USP30: variants seen among roughly 807,000 people sequenced by gnomAD.
USP30 encodes ubiquitin carboxyl-terminal hydrolase 30.
In USP30, 41 loss-of-function variants were observed where a neutral mutation model predicts 68.2. The ratio of observed to expected loss-of-function variants is 0.60; its 90% CI spans 0.47 to 0.78. The LOEUF (loss-of-function observed/expected upper bound fraction) is 0.78, where lower values mean the gene tolerates loss of function less well. Ranked by LOEUF, USP30 falls within the 30% of genes least tolerant of loss-of-function variation. USP30 has a pLI of 0.00. For missense variants in USP30, 522 were observed against 649.4 expected, an observed-to-expected ratio of 0.80 and a Z score of 2.13; for synonymous variants, 229 against 253.7, an observed-to-expected ratio of 0.90 and a Z score of 0.93.
intron 3 of USP30, among the ~76,000 whole-genome samples, chr12:109,046,197 G>A (rs563598101): frequency 3.3e-4 from 49 of 147,282 alleles, no homozygotes; most frequent in African/African-American, 1.2e-3. Context: ...GCCCCCCCGG[G>A]TTTAAGTGAT....
chr12:109,058,883 T>C (rs1468078566), intron 3 of USP30, among the ~76,000 whole-genome samples: 2 of 152,228 alleles, frequency 1.3e-5, no homozygotes, highest in Non-Finnish European at 2.9e-5. Flanking sequence ...TTTGCAGCCC[T>C]GTCCAGCTGT....
chr12:109,041,612 G>A (rs539557299), intron 3 of USP30, among the ~76,000 whole-genome samples: 1 of 151,550 alleles, frequency 6.6e-6, no homozygotes, highest in East Asian at 1.9e-4. Context: ...TCCAGCCTGG[G>A]TGACAGAGCG....
intron 3 of USP30, among the ~76,000 whole-genome samples, chr12:109,038,403 C>T (rs980939241): frequency 4.6e-5 from 7 of 152,132 alleles, no homozygotes; most frequent in African/African-American, 1.4e-4. Context: ...TCCAGTCTAT[C>T]ATTGATGAGC....
chr12:109,030,329 G>T (rs919823395), intron 3 of USP30, among the ~76,000 whole-genome samples: 7 of 152,186 alleles, frequency 4.6e-5, no homozygotes, highest in African/African-American at 1.7e-4. Context: ...TAAACAAGAT[G>T]ATGGATATTC....
At position 109,085,998 on chromosome 12, in the gene USP30, T is replaced by G. The variant is rs564857150; in HGVS notation, c.*67T>G. 7.9e-4 allele frequency: 1,212 copies of G among 1,528,212 alleles called. 18 individuals carry two copies. The South Asian group carries it at 0.014, about 18-fold the overall frequency. 94.7% of individuals were successfully genotyped at this position (1,528,212 alleles called of 1,614,324 possible). ...ACTGTCCAGGAAAAAAGTAAAACTG[T>G]ACTGTTGCGTGTGCAAGCGGCCCCA... On this transcript the variant is annotated 3_prime_UTR_variant, in exon 13 of 13. Transcript: ENST00000257548.
intron 6 of USP30, 95 bp downstream of exon 6, chr12:109,072,445 A>T (rs1358176250): frequency 1.7e-6 from 2 of 1,203,030 alleles, no homozygotes; most frequent in Non-Finnish European, 2.4e-6. Context: ...TTCTGGTGAC[A>T]TACAGGCCAG....
At chr12:109,066,795 C>T (rs193231210) in intron 3 of USP30, among the ~76,000 whole-genome samples, 42 of 152,262 alleles carry the variant, frequency 2.8e-4, no homozygotes, top group African/African-American at 8.9e-4. Flanking sequence ...AAGCAAAGGC[C>T]TTGGGAAACA....
chr12:109,050,186 C>G (rs866423443), upstream of USP30, among the ~76,000 whole-genome samples: 47 of 151,634 alleles, frequency 3.1e-4, no homozygotes, highest in African/African-American at 1.1e-3. Context: ...CCCAGCTACT[C>G]GGGAGGCTGA....
intron 2 of USP30, among the ~76,000 whole-genome samples, chr12:109,025,950 G>T (rs774129865): frequency 2.7e-4 from 41 of 151,900 alleles, no homozygotes; most frequent in Non-Finnish European, 4.0e-4. Flanking sequence ...GGCCAAAGGT[G>T]CTGGCATTAC....
At chr12:109,053,811 C>T in intron 1 of USP30, 2 of 265,608 alleles carry the variant, frequency 7.5e-6, no homozygotes, top group South Asian at 3.5e-5. Flanking sequence ...GTATTTTTTC[C>T]TTATGCTGCC....
chr12:109,074,989 T>C (rs2041553094), intron 7 of USP30, among the ~76,000 whole-genome samples: 1 of 152,250 alleles, frequency 6.6e-6, no homozygotes, highest in African/African-American at 2.4e-5. Flanking sequence ...ATATCTGGCT[T>C]ATTTCACATA....
chr12:109,062,389 CGGTG>C (rs1304739267), intron 3 of USP30, among the ~76,000 whole-genome samples: 1 of 131,748 alleles, frequency 7.6e-6, no homozygotes, highest in Non-Finnish European at 1.5e-5. Context: ...GGCTGGAGTG[CGGTG>C]GCATGATCTC....
rs1447020763 is a variant in USP30 at position 109,086,122 on chromosome 12, A to T, written c.*191A>T. 1 of 725,206 alleles carries T rather than the reference A, an allele frequency of 1.4e-6. No homozygotes were observed. The highest frequency in any genetic ancestry group is 2.2e-6 in the Non-Finnish European group (1 of 456,256). The allele number at this position is 725,206 out of a possible 1,614,324, so 44.9% of individuals were successfully genotyped here. On this transcript the variant is annotated 3_prime_UTR_variant, in exon 13 of 13. Coordinates refer to ENST00000257548, the MANE Select transcript of USP30 (RefSeq NM_032663.5). ...CCAGGCTCCCTGAACAGTCCTGTTC[A>T]TGTGTGTAGGTGGTTCTGTTGTGTT...
intron 3 of USP30, among the ~76,000 whole-genome samples, chr12:109,061,186 G>A (rs2041053109): frequency 6.6e-6 from 1 of 151,954 alleles, no homozygotes; most frequent in Non-Finnish European, 1.5e-5. Context: ...GTATTCTTGG[G>A]GCAAATGGGA....
intron 7 of USP30, among the ~76,000 whole-genome samples, chr12:109,075,841 C>CTTTTTTTTTTTT (rs34221615): frequency 4.2e-5 from 5 of 119,688 alleles, no homozygotes; most frequent in East Asian, 2.5e-4. Flanking sequence ...GTTACTTTTT[C>CTTTTTTTTTTTT]TTTTTTTTTT....
At position 109,055,398 on chromosome 12, in the gene USP30, ATAT is replaced by A. The variant is rs1488628174; in HGVS notation, c.84-1282_84-1280del. ...TATATACATATATATATATATATAT[ATAT>A]TTTTTTTTTTTTTTTTTTTGAGGCA... On this transcript the variant is annotated intron_variant, in intron 1 of 12. Transcript: ENST00000257548. Among the ~76,000 whole-genome samples the A allele has an allele frequency of 1.4e-3, 42 of 30,358 alleles. No homozygotes were observed. In the East Asian group the frequency reaches 0.062, roughly 45 times the overall value. The allele number at this position is 30,358 out of a possible 152,430, so 19.9% of individuals were successfully genotyped here. A position where few individuals can be genotyped will look rare whatever the true frequency, so the allele number is the denominator to read the frequency against.
intron 3 of USP30, among the ~76,000 whole-genome samples, chr12:109,039,797 G>A (rs541880120): frequency 1.3e-5 from 2 of 152,260 alleles, no homozygotes; most frequent in Non-Finnish European, 2.9e-5. Context: ...TTTTGGTAGA[G>A]ATGTGGTTTC....
At chr12:109,027,691 A>G (rs1472765902) in intron 3 of USP30, 1 of 152,232 alleles carries the variant, frequency 6.6e-6, no homozygotes, top group Non-Finnish European at 1.5e-5. Flanking sequence ...AATGTTTTCA[A>G]GGTTCATCTG....
chr12:109,032,750 T>C (rs1339883113), intron 3 of USP30, among the ~76,000 whole-genome samples: 2 of 152,180 alleles, frequency 1.3e-5, no homozygotes, highest in African/African-American at 4.8e-5. Flanking sequence ...CACAACCCTG[T>C]GAATATACTT....
Sources: allele counts gnomAD v4.1 joint callset (sites outside exome capture counted in the v4.1 genomes callset), GRCh38; gene constraint gnomAD v4.1.1; transcripts MANE v1.5; gene names NCBI Gene and HGNC (gene_info 2026-07-23, HGNC 2026-07-21).